Variants in HS3ST3A1 observed in about 807,000 individuals in gnomAD.
HS3ST3A1 encodes the protein heparan sulfate-glucosamine 3-sulfotransferase 3A1, also known as heparan sulfate glucosamine 3-O-sulfotransferase 3A1.
In HS3ST3A1, 19 loss-of-function variants were observed where a neutral mutation model predicts 25.7. The ratio of observed to expected loss-of-function variants is 0.74; its 90% CI spans 0.52 to 1.08. The LOEUF (loss-of-function observed/expected upper bound fraction) is 1.08. HS3ST3A1 is among the 50% of genes least tolerant of loss of function. The pLI, the probability that HS3ST3A1 is intolerant of heterozygous loss-of-function variation, is 0.00. For missense variants in HS3ST3A1, 459 were observed against 594.3 expected (o/e 0.77, Z 2.37); for synonymous variants, 226 against 278.6 (o/e 0.81, Z 1.88).
At chr17:13,590,504 C>G (rs757116724) in intron 1 of HS3ST3A1, among the ~76,000 whole-genome samples, 1 of 152,144 alleles carries the variant, frequency 6.6e-6, no homozygotes, top group Non-Finnish European at 1.5e-5. Flanking sequence ...TTCAGCTTAA[C>G]CTGGGCAAAG....
chr17:13,559,308 T>C (rs950132518), intron 1 of HS3ST3A1, among the ~76,000 whole-genome samples: 2 of 152,128 alleles, frequency 1.3e-5, no homozygotes, highest in African/African-American at 2.4e-5. Flanking sequence ...GAAAAGGTAA[T>C]TTCGTATTAA....
In HS3ST3A1 at chr17:13,579,722, AAAAAAAT is replaced by A. The variant is rs1360011556; in HGVS notation, c.599+20802_599+20808del. ...TCTCCAAAAAAAAAAAAAAAAAAAAAAAAAAATCATAAGAAATTATGCTTTGGGAGAC... is the reference window on the plus strand; with the variant it reads ...TCTCCAAAAAAAAAAAAAAAAAAAAACATAAGAAATTATGCTTTGGGAGAC... On this transcript the variant is annotated intron_variant, in intron 1 of 1. Coordinates refer to ENST00000284110, the MANE Select transcript of HS3ST3A1 (RefSeq NM_006042.3). Among the ~76,000 whole-genome samples the A allele has an allele frequency of 4.7e-5, 7 of 148,632 alleles. No homozygotes were observed. In the South Asian group the frequency reaches 1.5e-3, roughly 32 times the overall value.
At chr17:13,563,949 C>T (rs1439544639) in intron 1 of HS3ST3A1, among the ~76,000 whole-genome samples, 1 of 152,138 alleles carries the variant, frequency 6.6e-6, no homozygotes, top group Non-Finnish European at 1.5e-5. Context: ...AAATTAATTT[C>T]TTATTAATTA....
At position 13,600,638 on chromosome 17, in the gene HS3ST3A1, G is replaced by A. The variant is rs1333091695; in HGVS notation, c.492C>T (p.Gly164=). Residue 164 remains glycine, a synonymous_variant, in exon 1 of 2, where the codon GGC becomes GGT. Coordinates refer to ENST00000284110, the MANE Select transcript of HS3ST3A1 (RefSeq NM_006042.3). The part of the protein sequence containing the change: ...QAIIIGVKKG[G]TRALLEFLRV... The stretch of plus-strand genomic sequence containing the variant: ...GCAGGAACTCCAGCAGCGCCCGCGT[G>A]CCGCCCTTCTTCACTCCGATGATGA... 7 of 1,593,204 alleles carry A rather than the reference G, an allele frequency of 4.4e-6. No individual in the cohort carries two copies. Among genetic ancestry groups the A allele is most frequent in the Non-Finnish European group, 6.0e-6 (7 of 1,175,328 alleles).
Position 13,510,383 on chromosome 17 carries a change from C to A in HS3ST3A1, c.600-13565G>T, listed in dbSNP as rs549181652. ...GTGTTTTTCCTTGCTTGCAAATCAA[C>A]AATCTAAGGAGAGTGGGGAAGCTGA... On this transcript the variant is annotated intron_variant, in intron 1 of 1. Coordinates refer to ENST00000284110, the MANE Select transcript of HS3ST3A1 (RefSeq NM_006042.3). Among the ~76,000 whole-genome samples the A allele has an allele frequency of 1.6e-4, 25 of 152,286 alleles. 1 individual carries two copies. The South Asian group carries it at 4.8e-3, about 29-fold the overall frequency.
At chr17:13,580,481 T>A (rs1208047263) in intron 1 of HS3ST3A1, among the ~76,000 whole-genome samples, 1 of 152,158 alleles carries the variant, frequency 6.6e-6, no homozygotes, top group Non-Finnish European at 1.5e-5. Flanking sequence ...TATACATTTA[T>A]ACACACAATT....
At chr17:13,520,883 A>T (rs1906213137) in intron 1 of HS3ST3A1, among the ~76,000 whole-genome samples, 2 of 152,088 alleles carry the variant, frequency 1.3e-5, no homozygotes, top group Admixed American at 1.3e-4. Context: ...AAGTGGTGGG[A>T]TCATTTAGAT....
At chr17:13,569,163 A>G (rs186759436) in intron 1 of HS3ST3A1, among the ~76,000 whole-genome samples, 2 of 152,052 alleles carry the variant, frequency 1.3e-5, no homozygotes, top group African/African-American at 2.4e-5. Context: ...CCAGCTTTCA[A>G]CCCAGGTCTT....
intron 1 of HS3ST3A1, among the ~76,000 whole-genome samples, chr17:13,563,567 G>A (rs1027233391): frequency 9.2e-5 from 14 of 152,208 alleles, no homozygotes; most frequent in Non-Finnish European, 5.9e-5. Context: ...GGCAGAGAGG[G>A]AGCATGTAAG....
chr17:13,515,471 GTTTTT>G (rs33924561), intron 1 of HS3ST3A1, among the ~76,000 whole-genome samples: 4 of 107,794 alleles, frequency 3.7e-5, no homozygotes, highest in Non-Finnish European at 5.4e-5. Flanking sequence ...GTTTGTTTCA[GTTTTT>G]TTTTTTTTTT....
At chr17:13,555,879 T>C (rs560738116) in intron 1 of HS3ST3A1, 1 of 152,232 alleles carries the variant, frequency 6.6e-6, no homozygotes, top group South Asian at 2.1e-4. Flanking sequence ...ACAGATGAAG[T>C]CATTCCTGAA....
intron 1 of HS3ST3A1, among the ~76,000 whole-genome samples, chr17:13,569,608 C>A (rs1755919139): frequency 6.6e-6 from 1 of 152,146 alleles, no homozygotes; most frequent in Admixed American, 6.5e-5. Flanking sequence ...CCATGCCCTG[C>A]CAGCTCCTTC....
rs796090330 is a variant in HS3ST3A1 at position 13,588,269 on chromosome 17, G to GA, written c.599+12261dup. 8.3e-3 allele frequency among the ~76,000 whole-genome samples: 1,175 copies of GA among 141,194 alleles called. 6 individuals are homozygous for GA. Among genetic ancestry groups the GA allele is most frequent in the African/African-American group, 0.023 (905 of 38,620 alleles). The allele number at this position is 141,194 out of a possible 152,430, so 92.6% of individuals were successfully genotyped here. On this transcript the variant is annotated intron_variant, in intron 1 of 1. Transcript: ENST00000284110. The stretch of plus-strand genomic sequence containing the variant: ...AGTATTTAGTATCTGGCCCTTTCCA[G>GA]AAAAAAAAAAAAATTGCTGACACCT...
intron 1 of HS3ST3A1, among the ~76,000 whole-genome samples, chr17:13,574,592 C>A (rs1336999884): frequency 3.3e-5 from 5 of 151,908 alleles, no homozygotes; most frequent in African/African-American, 4.8e-5. Context: ...GTGGCGGGCG[C>A]CTGTAGTCCC....
At chr17:13,518,021 G>A (rs535515442) in intron 1 of HS3ST3A1, among the ~76,000 whole-genome samples, 1 of 152,262 alleles carries the variant, frequency 6.6e-6, no homozygotes, top group East Asian at 1.9e-4. Context: ...GAAGAAAAGT[G>A]CTTGAAAAAA....
chr17:13,570,281 G>T (rs770470028), intron 1 of HS3ST3A1, among the ~76,000 whole-genome samples: 2 of 152,106 alleles, frequency 1.3e-5, no homozygotes, highest in Non-Finnish European at 2.9e-5. Flanking sequence ...CAAATGACTC[G>T]TTGTTTCCTT....
At chr17:13,531,473 T>C (rs1331575718) in intron 1 of HS3ST3A1, among the ~76,000 whole-genome samples, 1 of 152,110 alleles carries the variant, frequency 6.6e-6, no homozygotes, top group Non-Finnish European at 1.5e-5. Context: ...TAAAAGTGTT[T>C]CAGACAGGAA....
chr17:13,520,674 G>A (rs1906205387), intron 1 of HS3ST3A1, among the ~76,000 whole-genome samples: 1 of 151,706 alleles, frequency 6.6e-6, no homozygotes, highest in Non-Finnish European at 1.5e-5. Flanking sequence ...GAGTGCAATG[G>A]CACAATCTCG....
At chr17:13,539,027 T>A (rs183373156) in intron 1 of HS3ST3A1, among the ~76,000 whole-genome samples, 186 of 152,246 alleles carry the variant, frequency 1.2e-3, no homozygotes, top group Middle Eastern at 3.4e-3. Context: ...GACGGAGAGG[T>A]CAGCTGGGGC....
Sources: gnomAD v4.1 joint callset for allele counts (sites outside exome capture counted in the v4.1 genomes callset) on GRCh38, gnomAD v4.1.1 for gene constraint, MANE v1.5 for transcripts, NCBI Gene and HGNC (gene_info 2026-07-23, HGNC 2026-07-21) for gene names.